Variants in ADAM10 observed in about 807,000 individuals in gnomAD.
The protein encoded by ADAM10 is disintegrin and metalloproteinase domain-containing protein 10.
A neutral mutation model predicts 90.1 loss-of-function variants in ADAM10; 17 were observed. That is an observed-to-expected ratio of 0.19 (90% CI 0.13 to 0.28). ADAM10 has a LOEUF of 0.28. Among genes scored for constraint, ADAM10 ranks in the 10% least tolerant of loss-of-function variants. The pLI is 1.00. For missense variants in ADAM10, 610 were observed against 914.3 expected (o/e 0.67, Z 4.29); for synonymous variants, 310 against 298.6 (o/e 1.04, Z -0.40).
intron 1 of ADAM10, among the ~76,000 whole-genome samples, chr15:58,720,562 C>A (rs1007914251): frequency 6.6e-6 from 1 of 151,836 alleles, no homozygotes; most frequent in South Asian, 2.1e-4. Flanking sequence ...CCACCACGCC[C>A]GGCTAATTTT....
intron 4 of ADAM10, among the ~76,000 whole-genome samples, chr15:58,675,090 C>CA (rs1897281543): frequency 6.6e-6 from 1 of 152,172 alleles, no homozygotes; most frequent in Non-Finnish European, 1.5e-5. Context: ...CAGCTATTCA[C>CA]AGGAGGCTGA....
intron 2 of ADAM10, among the ~76,000 whole-genome samples, chr15:58,689,953 A>AC (rs1897731836): frequency 1.4e-4 from 9 of 64,150 alleles, no homozygotes; most frequent in South Asian, 1.7e-3. Context: ...GACCCCCCCC[A>AC]AAAAAAAAAA....
rs533156866 is a variant in ADAM10, at chr15:58,637,050, G to A, written c.1013-3691C>T. Among the ~76,000 whole-genome samples, 6 of 152,314 alleles carry A rather than the reference G, an allele frequency of 3.9e-5. No homozygotes were observed. The East Asian group carries it at 1.2e-3, about 29-fold the overall frequency. Reference sequence around the variant, plus strand: ...AAGTGTCCTATTGCAATATTTCAATGATGTAATTTTCCCAGCATTTGAAGT... The same window carrying A: ...AAGTGTCCTATTGCAATATTTCAATAATGTAATTTTCCCAGCATTTGAAGT... On this transcript the variant is annotated intron_variant, in intron 8 of 15. Transcript: ENST00000260408.
chr15:58,622,431 G>A (rs563035639), intron 10 of ADAM10, among the ~76,000 whole-genome samples: 5 of 152,170 alleles, frequency 3.3e-5, no homozygotes, highest in East Asian at 3.9e-4. Context: ...TTCTTTTAAC[G>A]TGTAATAGAT....
chr15:58,632,234 A>G (rs1896124091), intron 9 of ADAM10, among the ~76,000 whole-genome samples: 1 of 152,248 alleles, frequency 6.6e-6, no homozygotes, highest in South Asian at 2.1e-4. Context: ...ACTGGATATT[A>G]GATAATATCA....
At chr15:58,728,745 G>C (rs947418988) in intron 1 of ADAM10, among the ~76,000 whole-genome samples, 8 of 151,972 alleles carry the variant, frequency 5.3e-5, no homozygotes, top group Non-Finnish European at 1.0e-4. Context: ...CAAAAACAAA[G>C]ACAAATCAAA....
chr15:58,651,403 TG>T (rs1896684685), intron 5 of ADAM10, among the ~76,000 whole-genome samples: 2 of 152,154 alleles, frequency 1.3e-5, no homozygotes, highest in African/African-American at 4.8e-5. Flanking sequence ...CCCCCACCAC[TG>T]CTCTAATACT....
intron 4 of ADAM10, among the ~76,000 whole-genome samples, chr15:58,667,432 C>CCTCA (rs542681251): frequency 6.6e-6 from 1 of 152,140 alleles, no homozygotes; most frequent in East Asian, 1.9e-4. Context: ...ACAGGGTACC[C>CCTCA]CTCAGCCTTA....
intron 2 of ADAM10, chr15:58,692,730 C>T (rs1897860604): frequency 1.7e-6 from 1 of 576,212 alleles, no homozygotes; most frequent in Non-Finnish European, 3.4e-6. Context: ...CAGAAGATAC[C>T]CAGGAATACT....
In ADAM10 at chr15:58,589,893, T is replaced by A. The variant is rs1207649844; in HGVS notation, c.*7654A>T. The A allele has an allele frequency of 1.3e-5, 2 of 151,960 alleles. No homozygotes were observed. The highest frequency in any genetic ancestry group is 3.9e-4 in the East Asian group (2 of 5,186). The allele number at this position is 151,960 out of a possible 1,614,324, so 9.4% of individuals were successfully genotyped here. Reference sequence around the variant, plus strand: ...TGTTGGGCCAATATCCTAAGGAGAATAACCAAGTATGACACCTGCCAAAGT... The same window carrying A: ...TGTTGGGCCAATATCCTAAGGAGAAAAACCAAGTATGACACCTGCCAAAGT... On this transcript the variant is annotated 3_prime_UTR_variant, in exon 16 of 16. Transcript: ENST00000260408.
Position 58,698,641 on chromosome 15 carries a change from G to A in ADAM10, c.207-16327C>T, listed in dbSNP as rs184104541. The stretch of plus-strand genomic sequence containing the variant: ...ACGAAATGCAACTACTGGAAGTAAA[G>A]AATTCATTGAATGAAATACAAAAAT... On this transcript the variant is annotated intron_variant, in intron 2 of 15. Coordinates refer to ENST00000260408, the MANE Select transcript of ADAM10 (RefSeq NM_001110.4). 4.3e-4 allele frequency among the ~76,000 whole-genome samples: 63 copies of A among 147,380 alleles called. No individual in the cohort carries two copies. In the East Asian group the frequency reaches 0.012, roughly 28 times the overall value.
chr15:58,676,048 A>G (rs1897297774), intron 4 of ADAM10: 1 of 222,586 alleles, frequency 4.5e-6, no homozygotes, highest in South Asian at 5.6e-5. Context: ...ATCCTTTGCC[A>G]TTTAGTTATA....
chr15:58,693,051 A>T, intron 2 of ADAM10: 1 of 754,240 alleles, frequency 1.3e-6, no homozygotes, highest in Non-Finnish European at 2.5e-6. Context: ...TGTCTAAGGC[A>T]TCAGAAGCAT....
chr15:58,603,094 A>AT (rs553863324), intron 14 of ADAM10, among the ~76,000 whole-genome samples: 20 of 151,562 alleles, frequency 1.3e-4, no homozygotes, highest in African/African-American at 1.9e-4. Context: ...AGACTGCCAG[A>AT]TTTTTTTTTA....
chr15:58,678,737 A>G (rs1471849407), intron 4 of ADAM10, among the ~76,000 whole-genome samples: 4 of 152,188 alleles, frequency 2.6e-5, no homozygotes, highest in East Asian at 1.9e-4. Context: ...CTTAAACACT[A>G]CACAAATATC....
intron 1 of ADAM10, among the ~76,000 whole-genome samples, chr15:58,726,214 G>A (rs1313726484): frequency 6.6e-6 from 1 of 152,022 alleles, no homozygotes; most frequent in Admixed American, 6.6e-5. Context: ...AGTATACAGT[G>A]ATAAGTTATA....
chr15:58,748,500 A>T (rs1899863693), intron 1 of ADAM10: 1 of 155,392 alleles, frequency 6.4e-6, no homozygotes, highest in Non-Finnish European at 1.4e-5. Flanking sequence ...CACACCGGAA[A>T]TAAAAATCGT....
chr15:58,615,097 A>AC lies in ADAM10; in HGVS notation c.1512-3107dup, dbSNP rs1895567825. ...AAACCATCCTGGCTAACACAGTGAA[A>AC]CCCCATCTCTACTAAAAACACAAAA... is the stretch of plus-strand genomic sequence containing the variant. On this transcript the variant is annotated intron_variant, in intron 11 of 15. Coordinates refer to ENST00000260408, the MANE Select transcript of ADAM10 (RefSeq NM_001110.4). 2.0e-5 allele frequency among the ~76,000 whole-genome samples: 3 copies of AC among 152,076 alleles called. No homozygotes were observed. In the South Asian group the frequency reaches 6.2e-4, roughly 32 times the overall value.
At chr15:58,731,415 T>TA (rs1306785594) in intron 1 of ADAM10, among the ~76,000 whole-genome samples, 1 of 151,776 alleles carries the variant, frequency 6.6e-6, no homozygotes, top group South Asian at 2.1e-4. Flanking sequence ...ACCCAGGAAT[T>TA]AGAGACCAGC....
Sources: gnomAD v4.1 joint callset for allele counts (sites outside exome capture counted in the v4.1 genomes callset) on GRCh38, gnomAD v4.1.1 for gene constraint, MANE v1.5 for transcripts, NCBI Gene and HGNC (gene_info 2026-07-23, HGNC 2026-07-21) for gene names.